The following GLIS3 variants were observed in gnomAD, a reference collection of about 807,000 sequenced individuals.
GLIS3 encodes zinc finger protein GLIS3.
In GLIS3, 53 loss-of-function variants were observed where a neutral mutation model predicts 78.6. The ratio of observed to expected loss-of-function variants is 0.67; its 90% CI spans 0.54 to 0.85. The LOEUF (loss-of-function observed/expected upper bound fraction) is 0.85. GLIS3 is among the 40% of genes least tolerant of loss of function. GLIS3 has a pLI of 0.00. For synonymous variants in GLIS3, 684 were observed against 509.9 expected (o/e 1.34, Z -4.60); for missense variants, 1,703 against 1,231.1 (o/e 1.38, Z -5.74).
At chr9:3,999,855 A>G (rs2129900272) in intron 4 of GLIS3, among the ~76,000 whole-genome samples, 1 of 152,286 alleles carries the variant, frequency 6.6e-6, no homozygotes, top group African/African-American at 2.4e-5. Flanking sequence ...CCATCAAATA[A>G]TAAAACATAG....
chr9:4,047,894 G>A (rs1054587363), intron 4 of GLIS3, among the ~76,000 whole-genome samples: 1 of 152,204 alleles, frequency 6.6e-6, no homozygotes, highest in Non-Finnish European at 1.5e-5. Context: ...GTAAACTTTT[G>A]TGAGATGAAC....
the GLIS3 span, among the ~76,000 whole-genome samples, chr9:4,364,861 A>G: frequency 6.7e-6 from 1 of 148,962 alleles, no homozygotes; most frequent in African/African-American, 2.5e-5. Context: ...ATAGCACACT[A>G]CAGCCTTCAA....
intron 4 of GLIS3, among the ~76,000 whole-genome samples, chr9:4,083,861 A>G (rs1446894287): frequency 6.6e-6 from 1 of 152,190 alleles, no homozygotes; most frequent in Admixed American, 6.5e-5. Context: ...TACATCAATA[A>G]TTTCTGGTTT....
chr9:4,204,408 C>A (rs1018201972), intron 2 of GLIS3, among the ~76,000 whole-genome samples: 4 of 152,174 alleles, frequency 2.6e-5, no homozygotes, highest in South Asian at 4.1e-4. Flanking sequence ...CATCTGCAGG[C>A]AGAAGCTGAG....
intron 8 of GLIS3, among the ~76,000 whole-genome samples, chr9:3,877,221 C>T (rs535601389): frequency 6.6e-6 from 1 of 151,952 alleles, no homozygotes; most frequent in South Asian, 2.1e-4. Context: ...CATTTAGAAC[C>T]AAACAGAAAA....
At chr9:3,913,204 T>C (rs574334818) in intron 6 of GLIS3, among the ~76,000 whole-genome samples, 1 of 152,154 alleles carries the variant, frequency 6.6e-6, no homozygotes, top group Non-Finnish European at 1.5e-5. Context: ...TTAAAACAGA[T>C]TGAGTGAAGA....
intron 2 of GLIS3, among the ~76,000 whole-genome samples, chr9:4,279,482 C>G (rs1827357927): frequency 6.6e-6 from 1 of 150,606 alleles, no homozygotes; most frequent in Non-Finnish European, 1.5e-5. Flanking sequence ...GGACACCAAA[C>G]TAATTGGGAT....
chr9:4,196,001 T>G (rs1039536358), intron 2 of GLIS3, among the ~76,000 whole-genome samples: 1 of 151,938 alleles, frequency 6.6e-6, no homozygotes, highest in Non-Finnish European at 1.5e-5. Flanking sequence ...CACCTATCAG[T>G]GCTCTGTGTC....
intron 2 of GLIS3, among the ~76,000 whole-genome samples, chr9:4,180,024 C>A (rs1312489862): frequency 6.6e-6 from 1 of 152,148 alleles, no homozygotes; most frequent in African/African-American, 2.4e-5. Flanking sequence ...GGATCTCCTA[C>A]ACATTGTTTA....
chr9:4,265,730 G>A (rs937337535), intron 2 of GLIS3, among the ~76,000 whole-genome samples: 1 of 152,272 alleles, frequency 6.6e-6, no homozygotes, highest in East Asian at 1.9e-4. Flanking sequence ...TTAGGGTGCT[G>A]AGGCATCAAA....
the GLIS3 span, among the ~76,000 whole-genome samples, chr9:4,394,233 G>C: frequency 1.3e-5 from 2 of 151,228 alleles, no homozygotes; most frequent in South Asian, 2.1e-4. Flanking sequence ...TCTTTTAGGA[G>C]ACATTGATTC....
In GLIS3 at chr9:3,828,421, G is replaced by C; in HGVS notation, c.2657-13C>G. 4 of 1,612,496 alleles carry C rather than the reference G, an allele frequency of 2.5e-6. No individual in the cohort carries two copies. The highest frequency in any genetic ancestry group is 3.4e-6 in the Non-Finnish European group (4 of 1,179,988). On this transcript the variant is annotated splice_polypyrimidine_tract_variant and intron_variant, in intron 10 of 10. Transcript: ENST00000381971. ...GGTAAATCATACACTGGAAGAGAAAGAACGCAGTTAAGTCAGTAACTCCTG... is the reference window on the plus strand; with the variant it reads ...GGTAAATCATACACTGGAAGAGAAACAACGCAGTTAAGTCAGTAACTCCTG...
chr9:3,994,952 G>C (rs999081309), intron 4 of GLIS3, among the ~76,000 whole-genome samples: 1 of 152,208 alleles, frequency 6.6e-6, no homozygotes, highest in Non-Finnish European at 1.5e-5. Context: ...GAGAGCAAGA[G>C]TTGGGGCTAT....
At chr9:3,902,075 T>C (rs1373849) in intron 6 of GLIS3, among the ~76,000 whole-genome samples, 116,162 of 152,122 alleles carry the variant, frequency 0.76, 44,426 homozygotes, top group East Asian at 0.83. Context: ...TAGGGTTACT[T>C]CTGGCATCAA....
At chr9:4,369,231 G>A in the GLIS3 span, among the ~76,000 whole-genome samples, 7 of 151,874 alleles carry the variant, frequency 4.6e-5, no homozygotes, top group South Asian at 2.1e-4. Flanking sequence ...TAGATCTTCC[G>A]AAGAAGTGTT....
At chr9:4,450,996 C>G in the GLIS3 span, among the ~76,000 whole-genome samples, 5 of 152,282 alleles carry the variant, frequency 3.3e-5, no homozygotes, top group Middle Eastern at 3.4e-3. Context: ...TTCACAATAA[C>G]AATACTAACC....
chr9:4,033,707 C>T (rs537032038), intron 4 of GLIS3, among the ~76,000 whole-genome samples: 19 of 152,110 alleles, frequency 1.2e-4, no homozygotes, highest in Admixed American at 3.3e-4. Context: ...GGTACTAAAA[C>T]AGGGACCTAT....
intron 2 of GLIS3, among the ~76,000 whole-genome samples, chr9:4,197,272 C>A (rs530142961): frequency 6.6e-6 from 1 of 152,158 alleles, no homozygotes; most frequent in Non-Finnish European, 1.5e-5. Context: ...GGGGCCCTCT[C>A]CACTCCATGA....
chr9:4,150,642 T>C (rs1331629212), intron 2 of GLIS3, among the ~76,000 whole-genome samples: 1 of 152,196 alleles, frequency 6.6e-6, no homozygotes, highest in African/African-American at 2.4e-5. Context: ...GATGAAACAA[T>C]TTCAAGGGTT....
Sources: allele counts gnomAD v4.1 joint callset (sites outside exome capture counted in the v4.1 genomes callset), GRCh38; gene constraint gnomAD v4.1.1; transcripts MANE v1.5; gene names NCBI Gene and HGNC (gene_info 2026-07-23, HGNC 2026-07-21).